Variants in DNAH14 observed in about 807,000 individuals in gnomAD.
The protein encoded by DNAH14 is dynein axonemal heavy chain 14.
Under a neutral mutation model 520.9 loss-of-function variants are expected in DNAH14, and 478 were observed. That is an observed-to-expected ratio of 0.92 (90% confidence interval 0.85 to 0.99). The LOEUF is 0.99. DNAH14 is among the 50% of genes least tolerant of loss of function. The pLI is 0.00. For synonymous variants in DNAH14, 1,581 were observed against 1,757.2 expected (o/e 0.90, Z 2.51); for missense variants, 4,831 against 5,234.5 (o/e 0.92, Z 2.38).
intron 50 of DNAH14, 21 bp from the exon 51 acceptor site, chr1:225,271,885 T>C (rs1348127610): frequency 6.5e-7 from 1 of 1,533,668 alleles, no homozygotes; most frequent in South Asian, 1.2e-5. Flanking sequence ...GCAAGCTAAA[T>C]TATAACATTT....
chr1:225,347,105 T>C (rs1351602801), intron 71 of DNAH14, among the ~76,000 whole-genome samples: 1 of 152,258 alleles, frequency 6.6e-6, no homozygotes, highest in East Asian at 1.9e-4. Context: ...TTGTCTAAAC[T>C]GTGGTCAAAT....
intron 43 of DNAH14, 124 bp from the exon 44 acceptor site, chr1:225,252,177 C>A (rs2092578832): frequency 8.8e-6 from 6 of 683,086 alleles, no homozygotes; most frequent in East Asian, 2.8e-5. Flanking sequence ...CTTGGATATA[C>A]CCTTGGTGAA....
chr1:225,207,264 A>G, intron 41 of DNAH14, 44 bp downstream of exon 41: 1 of 1,425,184 alleles, frequency 7.0e-7, no homozygotes. Context: ...TATCTTAGCT[A>G]GTCAATGCTA....
Position 225,136,293 on chromosome 1 carries a change from C to T in DNAH14, c.4255-4475C>T, listed in dbSNP as rs972897329. On this transcript the variant is annotated intron_variant, in intron 27 of 85. Coordinates refer to ENST00000682510, the MANE Select transcript of DNAH14 (RefSeq NM_001367479.1). ...AGTGTGTTTTGTAGCAGCTGATAAT[C>T]GTTTTTTCTTTCAATATTTAGTGCT... is the stretch of plus-strand genomic sequence containing the variant. Among the ~76,000 whole-genome samples, 8 of 152,074 alleles carry T rather than the reference C, an allele frequency of 5.3e-5. No homozygotes were observed. In the East Asian group the frequency reaches 1.2e-3, roughly 22 times the overall value.
intron 8 of DNAH14, among the ~76,000 whole-genome samples, chr1:224,991,168 C>T (rs1345397421): frequency 7.0e-6 from 1 of 142,424 alleles, no homozygotes; most frequent in African/African-American, 2.6e-5. Context: ...GATCTCAGCT[C>T]CCTGCAACCT....
chr1:225,043,527 G>A (rs934178390), intron 13 of DNAH14, among the ~76,000 whole-genome samples: 4 of 152,084 alleles, frequency 2.6e-5, no homozygotes, highest in Admixed American at 1.3e-4. Context: ...CGAGGGCCCC[G>A]TTCATCAAGA....
intron 75 of DNAH14, among the ~76,000 whole-genome samples, chr1:225,364,030 A>G (rs1297252504): frequency 6.6e-6 from 1 of 152,164 alleles, no homozygotes; most frequent in Admixed American, 6.6e-5. Context: ...GTGTCCCTCA[A>G]TTGGGTTTTA....
chr1:225,201,977 G>A (rs1348854344), intron 38 of DNAH14, among the ~76,000 whole-genome samples: 1 of 149,014 alleles, frequency 6.7e-6, no homozygotes, highest in Non-Finnish European at 1.5e-5. Flanking sequence ...CCAGGTTCAA[G>A]CGATTCTCCT....
At chr1:224,960,581 T>A (rs1012723395) in intron 4 of DNAH14, among the ~76,000 whole-genome samples, 2 of 152,126 alleles carry the variant, frequency 1.3e-5, no homozygotes, top group East Asian at 3.9e-4. Flanking sequence ...ACTGTATGGT[T>A]TTTTACATAC....
rs542443417 is a variant in DNAH14, at chr1:225,212,303, CATT to C, written c.6439+5084_6439+5086del. 3.5e-3 allele frequency among the ~76,000 whole-genome samples: 534 copies of C among 152,092 alleles called. 4 individuals carry two copies. Among genetic ancestry groups the C allele is most frequent in the African/African-American group, 0.012 (517 of 41,450 alleles). On this transcript the variant is annotated intron_variant, in intron 41 of 85. Coordinates refer to ENST00000682510, the MANE Select transcript of DNAH14 (RefSeq NM_001367479.1). The stretch of plus-strand genomic sequence containing the variant: ...GCCATATTTTCTTAATCCAGTCTAT[CATT>C]GATGGACATTTGGGTTGGTTCCAAC...
intron 10 of DNAH14, among the ~76,000 whole-genome samples, chr1:225,014,111 T>C (rs1172728437): frequency 1.3e-5 from 2 of 152,206 alleles, no homozygotes; most frequent in Non-Finnish European, 2.9e-5. Flanking sequence ...TTTCCTGGTC[T>C]GTGGGTTGCC....
At chr1:225,183,163 T>C (rs1338006118) in intron 36 of DNAH14, among the ~76,000 whole-genome samples, 1 of 152,228 alleles carries the variant, frequency 6.6e-6, no homozygotes, top group Non-Finnish European at 1.5e-5. Flanking sequence ...TTGTGGACCC[T>C]GATTCCAGGC....
At chr1:225,014,037 C>T (rs376217025) in intron 10 of DNAH14, among the ~76,000 whole-genome samples, 2 of 152,122 alleles carry the variant, frequency 1.3e-5, no homozygotes, top group South Asian at 4.2e-4. Flanking sequence ...GGATTTTTGC[C>T]ATACAAGCCA....
chr1:224,994,517 G>T (rs2063266322), intron 8 of DNAH14, among the ~76,000 whole-genome samples: 1 of 151,708 alleles, frequency 6.6e-6, no homozygotes, highest in African/African-American at 2.4e-5. Context: ...TTCCATTTGT[G>T]TGGAATGTCT....
chr1:225,082,401 C>T, intron 19 of DNAH14, 148 bp from the exon 20 acceptor site: 1 of 568,150 alleles, frequency 1.8e-6, no homozygotes. Flanking sequence ...TAATAAAGCT[C>T]ACTGCTTCAT....
Position 225,011,036 on chromosome 1 carries a change from G to GA in DNAH14, c.1107+3501dup, listed in dbSNP as rs375881957. ...GGTCTATCCATTTTGTTAATCTCTT[G>GA]AAAAAAAAACAGCTCCTGGATTCAT... On this transcript the variant is annotated intron_variant, in intron 10 of 85. Coordinates refer to ENST00000682510, the MANE Select transcript of DNAH14 (RefSeq NM_001367479.1). Among the ~76,000 whole-genome samples, 441 of 145,316 alleles carry GA rather than the reference G, an allele frequency of 3.0e-3. 8 individuals are homozygous for GA. In the South Asian group the frequency reaches 0.048, roughly 16 times the overall value.
At chr1:225,047,890 C>T (rs1258543140) in intron 15 of DNAH14, among the ~76,000 whole-genome samples, 1 of 152,122 alleles carries the variant, frequency 6.6e-6, no homozygotes, top group African/African-American at 2.4e-5. Flanking sequence ...ATCTGCATTC[C>T]AACTTGGATT....
At chr1:225,037,391 A>G (rs1350360401) in intron 11 of DNAH14, among the ~76,000 whole-genome samples, 1 of 151,842 alleles carries the variant, frequency 6.6e-6, no homozygotes, top group African/African-American at 2.4e-5. Context: ...TATCTGTTGT[A>G]TGTTTATAGA....
At position 225,257,924 on chromosome 1, in the gene DNAH14, A is replaced by G. The variant is rs772796107; in HGVS notation, c.6866-36A>G. ...AAAGATGAGGTGAATAGTACTTTCT[A>G]GGTCATTTGAAACTTTTTTTAAAAT... On this transcript the variant is annotated intron_variant, in intron 44 of 85. Coordinates refer to ENST00000682510, the MANE Select transcript of DNAH14 (RefSeq NM_001367479.1). 1.7e-5 allele frequency: 25 copies of G among 1,431,228 alleles called. No individual in the cohort carries two copies. The Admixed American group carries it at 3.5e-4, about 20-fold the overall frequency. The allele number at this position is 1,431,228 out of a possible 1,614,324, so 88.7% of individuals were successfully genotyped here.
Sources: allele counts gnomAD v4.1 joint callset (sites outside exome capture counted in the v4.1 genomes callset), GRCh38; gene constraint gnomAD v4.1.1; transcripts MANE v1.5; gene names NCBI Gene and HGNC (gene_info 2026-07-23, HGNC 2026-07-21).